PARD3B: variants seen among roughly 807,000 people sequenced by gnomAD.
PARD3B encodes the protein partitioning defective 3 homolog B.
Under a neutral mutation model 130.2 loss-of-function variants are expected in PARD3B, and 103 were observed. That is an observed-to-expected ratio of 0.79 (90% CI 0.67 to 0.93). The LOEUF is 0.93. Among genes scored for constraint, PARD3B ranks in the 40% least tolerant of loss-of-function variants. The probability of loss-of-function intolerance (pLI) is 0.00; values close to 1 mark genes in which losing one functional copy is unlikely to be tolerated. For synonymous variants in PARD3B, 583 were observed against 553.2 expected, an observed-to-expected ratio of 1.05 and a Z score of -0.76; for missense variants, 1,609 against 1,499.2, an observed-to-expected ratio of 1.07 and a Z score of -1.21.
At position 204,671,508 on chromosome 2, in the gene PARD3B, C is replaced by T. The variant is rs903897178; in HGVS notation, c.121-14673C>T. Among the ~76,000 whole-genome samples the T allele has an allele frequency of 6.6e-5, 10 of 152,252 alleles. No homozygotes were observed. The South Asian group carries it at 2.1e-3, about 32-fold the overall frequency. On this transcript the variant is annotated intron_variant, in intron 1 of 22. Transcript: ENST00000406610. ...GATAGGCTTGTGTTTCATGCTAGCT[C>T]TCTTCATTGGCAGGAACTTGGATTT...
intron 3 of PARD3B, among the ~76,000 whole-genome samples, chr2:205,003,523 C>T (rs759649190): frequency 2.0e-5 from 3 of 152,290 alleles, no homozygotes; most frequent in African/African-American, 4.8e-5. Context: ...CTAATTATCT[C>T]GTGACCTTTA....
At chr2:205,520,712 T>G (rs1445589616) in intron 21 of PARD3B, among the ~76,000 whole-genome samples, 1 of 152,136 alleles carries the variant, frequency 6.6e-6, no homozygotes, top group African/African-American at 2.4e-5. Context: ...ATGCATAACA[T>G]GTAGTAATTA....
At chr2:205,459,364 TC>T (rs984329440) in intron 20 of PARD3B, among the ~76,000 whole-genome samples, 87 of 152,252 alleles carry the variant, frequency 5.7e-4, no homozygotes, top group Middle Eastern at 3.4e-3. Context: ...TGCAACAAAT[TC>T]TTCCACCATC....
chr2:205,252,307 G>C (rs1481212724), intron 16 of PARD3B, among the ~76,000 whole-genome samples: 1 of 152,104 alleles, frequency 6.6e-6, no homozygotes, highest in East Asian at 1.9e-4. Flanking sequence ...TTAAGTGCTA[G>C]AGATACAAAG....
At chr2:205,445,556 G>A (rs775787233) in intron 20 of PARD3B, among the ~76,000 whole-genome samples, 6 of 152,058 alleles carry the variant, frequency 3.9e-5, no homozygotes, top group Non-Finnish European at 8.8e-5. Flanking sequence ...GATCTCACGA[G>A]AACTCACTCA....
rs1213487965 is a variant in PARD3B at position 205,550,941 on chromosome 2, G to GTATA, written c.3181-2375_3181-2372dup. 2.6e-5 allele frequency among the ~76,000 whole-genome samples: 3 copies of GTATA among 114,786 alleles called. No homozygotes were observed. Among genetic ancestry groups the GTATA allele is most frequent in the African/African-American group, 9.7e-5 (3 of 30,900 alleles). 75.3% of individuals were successfully genotyped at this position (114,786 alleles called of 152,430 possible). A position where few individuals can be genotyped will look rare whatever the true frequency, so the allele number is the denominator to read the frequency against. On this transcript the variant is annotated intron_variant, in intron 21 of 22. Coordinates refer to ENST00000406610, the MANE Select transcript of PARD3B (RefSeq NM_001302769.2). This position sits in a 1 kb window ranked among gnomAD's most constrained non-coding sequence, Gnocchi z 4.5. ...TATAATTATGTGTGTGTGTGTGTGT[G>GTATA]TATATATATATGTGTATATATATAT... is the stretch of plus-strand genomic sequence containing the variant.
chr2:205,089,595 G>C (rs576475879), intron 4 of PARD3B, among the ~76,000 whole-genome samples: 110 of 152,266 alleles, frequency 7.2e-4, no homozygotes, highest in African/African-American at 2.5e-3. Flanking sequence ...CTTCAGCCTA[G>C]TGCTGTACAC....
Position 204,952,040 on chromosome 2 carries a change from A to AT in PARD3B, c.223-13106dup, listed in dbSNP as rs530510261. ...GAAAAGCTAAAATACATAAAATGTT[A>AT]TTTTTTCTGGGGAATAAAAAAAGTA... On this transcript the variant is annotated intron_variant, in intron 2 of 22. Coordinates refer to ENST00000406610, the MANE Select transcript of PARD3B (RefSeq NM_001302769.2). 3.0e-3 allele frequency among the ~76,000 whole-genome samples: 450 copies of AT among 152,258 alleles called. 1 individual carries two copies. Among genetic ancestry groups the AT allele is most frequent in the South Asian group, 5.2e-3 (25 of 4,832 alleles).
At chr2:204,648,211 G>T (rs1375851593) in intron 1 of PARD3B, among the ~76,000 whole-genome samples, 1 of 151,386 alleles carries the variant, frequency 6.6e-6, no homozygotes, top group Non-Finnish European at 1.5e-5. Flanking sequence ...TTTATCATGA[G>T]AATTTAATCT....
chr2:205,036,955 A>G (rs1214430104), intron 3 of PARD3B, among the ~76,000 whole-genome samples: 1 of 150,494 alleles, frequency 6.6e-6, no homozygotes, highest in Admixed American at 6.7e-5. Flanking sequence ...ATATATAAAG[A>G]ACATATATAG....
intron 1 of PARD3B, among the ~76,000 whole-genome samples, chr2:204,614,360 G>A (rs567046124): frequency 6.6e-6 from 1 of 151,946 alleles, no homozygotes; most frequent in Admixed American, 6.6e-5. Context: ...TATACTTAGA[G>A]TATATCTCAA....
chr2:205,156,058 T>C (rs2034107378), intron 10 of PARD3B, among the ~76,000 whole-genome samples: 2 of 152,020 alleles, frequency 1.3e-5, no homozygotes. Context: ...GTGGCACATA[T>C]ACACCATGGA....
chr2:205,075,005 G>T (rs548456672), intron 4 of PARD3B, among the ~76,000 whole-genome samples: 28 of 152,054 alleles, frequency 1.8e-4, no homozygotes, highest in Non-Finnish European at 3.1e-4. Flanking sequence ...TTGTTGTAGT[G>T]CCCAGAGGCA....
intron 22 of PARD3B, among the ~76,000 whole-genome samples, chr2:205,574,597 T>C (rs1252693410): frequency 1.3e-5 from 2 of 152,046 alleles, no homozygotes; most frequent in African/African-American, 2.4e-5. Flanking sequence ...TTTTCTAGCA[T>C]TTACAGGAAT....
chr2:205,506,584 A>G (rs566512823), intron 21 of PARD3B, among the ~76,000 whole-genome samples: 1 of 152,324 alleles, frequency 6.6e-6, no homozygotes, highest in African/African-American at 2.4e-5. Context: ...TGCTGAGATC[A>G]TGCTAACCAT....
intron 2 of PARD3B, among the ~76,000 whole-genome samples, chr2:204,807,120 C>T (rs1298993244): frequency 6.6e-6 from 1 of 152,118 alleles, no homozygotes; most frequent in Admixed American, 6.6e-5. Flanking sequence ...TCTTGTGAGA[C>T]TTATTCGCTC....
In PARD3B at chr2:204,919,730, A is replaced by G. The variant is rs573923428; in HGVS notation, c.223-45422A>G. Among the ~76,000 whole-genome samples, 20 of 152,276 alleles carry G rather than the reference A, an allele frequency of 1.3e-4. No homozygotes were observed. In the South Asian group the frequency reaches 3.9e-3, roughly 30 times the overall value. On this transcript the variant is annotated intron_variant, in intron 2 of 22. Coordinates refer to ENST00000406610, the MANE Select transcript of PARD3B (RefSeq NM_001302769.2). ...CCTTTTAAAATATGACTCTTCTTTC[A>G]TCTAATAAGTAATCCTCTTCCCCTT...
chr2:205,109,903 C>T (rs1307182773), intron 5 of PARD3B, among the ~76,000 whole-genome samples: 1 of 152,086 alleles, frequency 6.6e-6, no homozygotes, highest in African/African-American at 2.4e-5. Flanking sequence ...ATCTGCCCGC[C>T]TTGGCCTCCC....
At chr2:204,735,197 C>T (rs2039691964) in intron 2 of PARD3B, among the ~76,000 whole-genome samples, 1 of 151,900 alleles carries the variant, frequency 6.6e-6, no homozygotes, top group Non-Finnish European at 1.5e-5. Flanking sequence ...TAAAGTGCAC[C>T]TTTCTAATAC....
Sources: allele counts gnomAD v4.1 joint callset (sites outside exome capture counted in the v4.1 genomes callset), GRCh38; gene constraint gnomAD v4.1.1; non-coding constraint Gnocchi (gnomAD v3.1); transcripts MANE v1.5; gene names NCBI Gene and HGNC (gene_info 2026-07-23, HGNC 2026-07-21).